DCDC1: variants seen among roughly 807,000 people sequenced by gnomAD.
DCDC1 encodes doublecortin domain-containing protein 1.
DCDC1 carries 200 observed loss-of-function variants against 178.3 expected under a neutral mutation model. The observed-to-expected ratio is 1.12, with a 90% CI of 1.00 to 1.26. The LOEUF (loss-of-function observed/expected upper bound fraction) is 1.26. Among genes scored for constraint, DCDC1 ranks in the 50% most tolerant of loss-of-function variants. The pLI is 0.00. For synonymous variants in DCDC1, 690 were observed against 604.8 expected (o/e 1.14, Z -2.07); for missense variants, 1,983 against 1,749.2 (o/e 1.13, Z -2.38).
At chr11:31,036,814 C>CT (rs559229010) in intron 20 of DCDC1, among the ~76,000 whole-genome samples, 25 of 152,108 alleles carry the variant, frequency 1.6e-4, no homozygotes, top group African/African-American at 6.0e-4. Context: ...CAGGGATTTA[C>CT]TTTTTTTTCT....
chr11:31,078,395 G>A (rs1956988940), intron 17 of DCDC1, among the ~76,000 whole-genome samples: 1 of 152,194 alleles, frequency 6.6e-6, no homozygotes, highest in Non-Finnish European at 1.5e-5. Flanking sequence ...TCTCAGCTAA[G>A]TCTGAGTAAG....
At chr11:30,992,969 G>C (rs1951072063) in intron 20 of DCDC1, among the ~76,000 whole-genome samples, 1 of 152,024 alleles carries the variant, frequency 6.6e-6, no homozygotes, top group African/African-American at 2.4e-5. Context: ...TATTTCATAA[G>C]AGATTTGAGA....
rs940012073 is a variant in DCDC1 at position 30,925,938 on chromosome 11, G to C, written c.2898-530C>G. ...ACTACCTTTGAAACAGACGTTTTTA[G>C]CCTGGTTAAACACTGAACACTGATT... is the stretch of plus-strand genomic sequence containing the variant. On this transcript the variant is annotated intron_variant, in intron 22 of 38. Transcript: ENST00000684477. Among the ~76,000 whole-genome samples the C allele has an allele frequency of 1.5e-4, 23 of 152,052 alleles. 1 individual carries two copies. Among genetic ancestry groups the C allele is most frequent in the Admixed American group, 1.4e-3 (21 of 15,256 alleles).
chr11:30,915,609 C>A lies in DCDC1; in HGVS notation c.3555G>T (p.Gly1185=), dbSNP rs747631616. The A allele has an allele frequency of 1.9e-6, 3 of 1,613,964 alleles. No homozygotes were observed. The Admixed American group carries it at 5.0e-5, about 27-fold the overall frequency. The change falls in exon 27 of 39, where the codon GGG becomes GGT. Residue 1185 remains glycine, a synonymous_variant. Coordinates refer to ENST00000684477, the MANE Select transcript of DCDC1 (RefSeq NM_001387274.1). ...ISHAAPQLVL[G]VQGPNLRSGM... ...CTGATCGGAGATTGGGACCTTGAAC[C>A]CCCAAGACTAGCTGAGGAGCAGCAT...
intron 15 of DCDC1, among the ~76,000 whole-genome samples, chr11:31,096,087 T>A (rs1422885735): frequency 1.3e-5 from 2 of 152,240 alleles, no homozygotes; most frequent in Non-Finnish European, 2.9e-5. Flanking sequence ...GATCAGGTAC[T>A]ATCATAAGGA....
intron 20 of DCDC1, among the ~76,000 whole-genome samples, chr11:31,039,131 T>C (rs922114211): frequency 1.3e-5 from 2 of 152,174 alleles, no homozygotes; most frequent in Non-Finnish European, 2.9e-5. Flanking sequence ...ATTATTATTT[T>C]ACCCTCATTA....
intron 21 of DCDC1, among the ~76,000 whole-genome samples, chr11:30,948,968 C>T (rs887888879): frequency 6.6e-6 from 1 of 152,270 alleles, no homozygotes; most frequent in South Asian, 2.1e-4. Context: ...GACTAAAACA[C>T]CAAAAGCAAT....
intron 7 of DCDC1, among the ~76,000 whole-genome samples, chr11:31,281,225 T>G (rs1946403005): frequency 6.6e-6 from 1 of 152,080 alleles, no homozygotes; most frequent in African/African-American, 2.4e-5. Flanking sequence ...CCTTTCAAAT[T>G]TATACCCTTT....
At position 30,952,477 on chromosome 11, in the gene DCDC1, A is replaced by T; in HGVS notation, c.2683T>A (p.Trp895Arg). 2.5e-6 allele frequency: 4 copies of T among 1,585,048 alleles called. No individual in the cohort carries two copies. The highest frequency in any genetic ancestry group is 3.4e-6 in the Non-Finnish European group (4 of 1,169,970). ...NPLWNKLTYM[W>R]PVLPSGQLNE... ...AGTTGGCCACTGGGAAGGACAGGCC[A>T]CATGTAGGTAAGCTTGTTCCATAGA... The change falls in exon 21 of 39, where the codon TGG (tryptophan) becomes AGG (arginine). Residue 895 changes from tryptophan to arginine, a missense_variant. Trp to Arg is a moderately radical substitution (Grantham distance 101). Coordinates refer to ENST00000684477, the MANE Select transcript of DCDC1 (RefSeq NM_001387274.1).
rs556195247 is a variant in DCDC1, at chr11:31,252,321, G to A, written c.1055-10705C>T. Among the ~76,000 whole-genome samples, 11 of 152,182 alleles carry A rather than the reference G, an allele frequency of 7.2e-5. No homozygotes were observed. In the South Asian group the frequency reaches 2.3e-3, roughly 32 times the overall value. ...TAAACTATTAAATAAAAATCTTAGA[G>A]GTAGAAGTTTAGTAGGAATTCATAT... On this transcript the variant is annotated intron_variant, in intron 8 of 38. Transcript: ENST00000684477.
chr11:31,264,970 C>CT (rs1467235811), intron 8 of DCDC1, among the ~76,000 whole-genome samples: 8 of 151,350 alleles, frequency 5.3e-5, no homozygotes, highest in South Asian at 4.2e-4. Context: ...AAATCAGGGA[C>CT]TTTTTTTTTC....
At chr11:31,167,891 C>A (rs1197700154) in intron 9 of DCDC1, among the ~76,000 whole-genome samples, 1 of 152,128 alleles carries the variant, frequency 6.6e-6, no homozygotes, top group Non-Finnish European at 1.5e-5. Flanking sequence ...GAAATGTCAA[C>A]CCACCATCAC....
chr11:31,025,025 C>T (rs1226635298), intron 20 of DCDC1, among the ~76,000 whole-genome samples: 2 of 151,926 alleles, frequency 1.3e-5, no homozygotes, highest in South Asian at 2.1e-4. Context: ...AACTCAGAGG[C>T]ATTCTGCCAT....
At chr11:31,175,722 G>A (rs1967923498) in intron 9 of DCDC1, among the ~76,000 whole-genome samples, 2 of 152,156 alleles carry the variant, frequency 1.3e-5, no homozygotes, top group Admixed American at 6.5e-5. Flanking sequence ...GAGCACCTCT[G>A]CCTTTAGCAA....
intron 23 of DCDC1, among the ~76,000 whole-genome samples, chr11:30,923,906 T>A (rs1946427314): frequency 6.6e-6 from 1 of 152,082 alleles, no homozygotes; most frequent in African/African-American, 2.4e-5. Flanking sequence ...TATGAGCCAC[T>A]GCACCCAGGC....
At chr11:30,941,034 T>A (rs1421842224) in intron 21 of DCDC1, among the ~76,000 whole-genome samples, 1 of 152,206 alleles carries the variant, frequency 6.6e-6, no homozygotes, top group African/African-American at 2.4e-5. Flanking sequence ...TATGGTCTTA[T>A]AAAATTATTT....
rs1958654529 is a variant in DCDC1, at chr11:31,103,697, A to G, written c.1824T>C (p.Val608=). 2.6e-6 allele frequency: 2 copies of G among 765,740 alleles called. No individual in the cohort carries two copies. Among genetic ancestry groups the G allele is most frequent in the Non-Finnish European group, 4.8e-6 (2 of 417,702 alleles). The allele number at this position is 765,740 out of a possible 1,614,324, so 47.4% of individuals were successfully genotyped here. A position where few individuals can be genotyped will look rare whatever the true frequency, so the allele number is the denominator to read the frequency against. ...VSAFARGDIM[V]AYKTFLDPNA... ...TAGGATCCAAAAAGGTCTTATATGC[A>G]ACCATGATATCACCTCTGGCAAATG... Residue 608 remains valine (V), a synonymous_variant, in exon 14 of 39, where the codon GTT becomes GTC. Transcript: ENST00000684477.
intron 1 of DCDC1, among the ~76,000 whole-genome samples, chr11:31,358,009 T>G (rs1951481168): frequency 6.6e-6 from 1 of 152,106 alleles, no homozygotes; most frequent in African/African-American, 2.4e-5. Flanking sequence ...ATGGCCATAC[T>G]GCCCAAGGTA....
intron 8 of DCDC1, among the ~76,000 whole-genome samples, chr11:31,251,019 C>T (rs1342946459): frequency 6.6e-6 from 1 of 152,174 alleles, no homozygotes; most frequent in Non-Finnish European, 1.5e-5. Context: ...TCCCAAAGTG[C>T]TGGGATTATA....
Sources: gnomAD v4.1 joint callset for allele counts (sites outside exome capture counted in the v4.1 genomes callset) on GRCh38, gnomAD v4.1.1 for gene constraint, MANE v1.5 for transcripts, NCBI Gene and HGNC (gene_info 2026-07-23, HGNC 2026-07-21) for gene names.